Variants in GALNT18 observed in about 807,000 individuals in gnomAD.
The protein encoded by GALNT18 is polypeptide N-acetylgalactosaminyltransferase 18.
In GALNT18, 44 loss-of-function variants were observed where a neutral mutation model predicts 69.5. The ratio of observed to expected loss-of-function variants is 0.63; its 90% confidence interval spans 0.50 to 0.81. GALNT18 has a LOEUF of 0.81. Among genes scored for constraint, GALNT18 ranks in the 40% least tolerant of loss-of-function variants. The pLI is 0.00. For synonymous variants in GALNT18, 364 were observed against 318.2 expected, an observed-to-expected ratio of 1.14 and a Z score of -1.53; for missense variants, 715 against 810.0, an observed-to-expected ratio of 0.88 and a Z score of 1.42.
At chr11:11,284,930 T>TTTA (rs1554909662) in intron 10 of GALNT18, among the ~76,000 whole-genome samples, 1 of 134,716 alleles carries the variant, frequency 7.4e-6, no homozygotes, top group African/African-American at 2.7e-5. Flanking sequence ...TTTTTTTTTT[T>TTTA]AACTACTTGG....
intron 1 of GALNT18, among the ~76,000 whole-genome samples, chr11:11,588,573 A>G (rs1048438166): frequency 2.6e-5 from 4 of 152,008 alleles, no homozygotes; most frequent in African/African-American, 9.7e-5. Flanking sequence ...ATGCTAACCA[A>G]CCTCATCCTC....
intron 10 of GALNT18, 115 bp downstream of exon 10, chr11:11,292,914 G>A: frequency 2.1e-6 from 2 of 950,924 alleles, no homozygotes; most frequent in East Asian, 3.0e-5. Flanking sequence ...CCTCACTACT[G>A]CCAGTCTGTC....
intron 1 of GALNT18, among the ~76,000 whole-genome samples, chr11:11,490,898 A>G (rs1341042373): frequency 6.6e-6 from 1 of 152,178 alleles, no homozygotes; most frequent in African/African-American, 2.4e-5. Flanking sequence ...TGCAACCTAA[A>G]TGCACTATTA....
chr11:11,362,881 T>C (rs924615486), intron 6 of GALNT18, among the ~76,000 whole-genome samples: 4 of 152,284 alleles, frequency 2.6e-5, no homozygotes, highest in Middle Eastern at 3.4e-3. Context: ...GAAAAAAGTA[T>C]GCAAAAGACT....
rs1419524124 is a variant in GALNT18 at position 11,344,224 on chromosome 11, GC to G, written c.1093-3221del. Among the ~76,000 whole-genome samples, 4 of 148,838 alleles carry G rather than the reference GC, an allele frequency of 2.7e-5. No individual in the cohort carries two copies. The East Asian group carries it at 7.9e-4, about 30-fold the overall frequency. On this transcript the variant is annotated intron_variant, in intron 6 of 10. Transcript: ENST00000227756. Reference sequence around the variant, plus strand: ...TCTCTGCTACAGCCTCTATGCTGTAGCCACGCTATTTTTTTTACTTCCTCTC... The same window carrying G: ...TCTCTGCTACAGCCTCTATGCTGTAGCACGCTATTTTTTTTACTTCCTCTC...
intron 6 of GALNT18, among the ~76,000 whole-genome samples, chr11:11,350,849 A>C (rs1477843391): frequency 6.6e-6 from 1 of 152,190 alleles, no homozygotes; most frequent in African/African-American, 2.4e-5. Flanking sequence ...ACTTGGAGAA[A>C]AGCTGCACAG....
rs1857847823 is a variant in GALNT18, at chr11:11,538,994, GA to G, written c.235+82364del. On this transcript the variant is annotated intron_variant, in intron 1 of 10. Coordinates refer to ENST00000227756, the MANE Select transcript of GALNT18 (RefSeq NM_198516.3). The surrounding 1 kb of genome is among the most constrained non-coding windows in gnomAD (Gnocchi z 5.2). ...AGGATGTGGGCATATCCAGAGCAGG[GA>G]CCTAACTATCTTGTTCTCTGTGACA... Among the ~76,000 whole-genome samples the G allele has an allele frequency of 6.6e-6, 1 of 152,180 alleles. No homozygotes were observed. Among genetic ancestry groups the G allele is most frequent in the South Asian group, 2.1e-4 (1 of 4,828 alleles).
chr11:11,448,951 A>C lies in GALNT18; in HGVS notation c.236-15T>G, dbSNP rs1463408397. 2 of 1,562,410 alleles carry C rather than the reference A, an allele frequency of 1.3e-6. No individual in the cohort carries two copies. The highest frequency in any genetic ancestry group is 4.6e-5 in the East Asian group (2 of 43,128). On this transcript the variant is annotated splice_polypyrimidine_tract_variant and intron_variant, in intron 1 of 10. Coordinates refer to ENST00000227756, the MANE Select transcript of GALNT18 (RefSeq NM_198516.3). ...GGCAGGAGCCTCTGGAGAAAGAAGG[A>C]ACAGGAGACAGTGGGTCAGAGTGCA... is the stretch of plus-strand genomic sequence containing the variant.
intron 1 of GALNT18, among the ~76,000 whole-genome samples, chr11:11,455,953 G>C (rs1451820497): frequency 6.6e-6 from 1 of 152,122 alleles, no homozygotes; most frequent in African/African-American, 2.4e-5. Flanking sequence ...GCCAAGCATG[G>C]TGGTGTACAT....
At chr11:11,593,907 T>C (rs1859424554) in intron 1 of GALNT18, among the ~76,000 whole-genome samples, 1 of 152,248 alleles carries the variant, frequency 6.6e-6, no homozygotes, top group Non-Finnish European at 1.5e-5. Flanking sequence ...TGCCTTGCAT[T>C]TGGCTTTTCA....
chr11:11,447,155 T>C (rs866620785), intron 2 of GALNT18, among the ~76,000 whole-genome samples: 3 of 152,188 alleles, frequency 2.0e-5, no homozygotes, highest in South Asian at 2.1e-4. Context: ...TGACGTGCCA[T>C]GCGTGCTTCT....
intron 1 of GALNT18, among the ~76,000 whole-genome samples, chr11:11,566,068 A>G (rs1162433586): frequency 1.3e-5 from 2 of 152,220 alleles, no homozygotes; most frequent in Non-Finnish European, 2.9e-5. Context: ...ATTTGTATGT[A>G]AAGAATGTTC....
intron 6 of GALNT18, among the ~76,000 whole-genome samples, chr11:11,357,656 C>G (rs1850559103): frequency 6.6e-6 from 1 of 152,284 alleles, no homozygotes; most frequent in East Asian, 1.9e-4. Flanking sequence ...CACTTTTTCT[C>G]TTGGGACCAG....
chr11:11,449,921 T>C (rs1032907825), intron 1 of GALNT18, among the ~76,000 whole-genome samples: 4 of 152,248 alleles, frequency 2.6e-5, no homozygotes, highest in African/African-American at 9.6e-5. Flanking sequence ...TTAGGGTTAT[T>C]ATAGCAAGGG....
At chr11:11,467,227 C>T (rs1335816241) in intron 1 of GALNT18, among the ~76,000 whole-genome samples, 1 of 152,154 alleles carries the variant, frequency 6.6e-6, no homozygotes, top group Non-Finnish European at 1.5e-5. Context: ...CACGCAGAAG[C>T]CACACTGAGG....
intron 3 of GALNT18, among the ~76,000 whole-genome samples, chr11:11,399,614 T>C (rs1189324683): frequency 6.6e-6 from 1 of 152,188 alleles, no homozygotes; most frequent in African/African-American, 2.4e-5. Context: ...TGCAGTATAA[T>C]GGTTAAATGG....
chr11:11,597,805 C>T (rs575883093), intron 1 of GALNT18, among the ~76,000 whole-genome samples: 6 of 151,830 alleles, frequency 4.0e-5, no homozygotes, highest in Admixed American at 3.3e-4. Context: ...GGACTACAGG[C>T]GCCTGCCACC....
chr11:11,495,063 T>A (rs1856843940), intron 1 of GALNT18, among the ~76,000 whole-genome samples: 1 of 151,594 alleles, frequency 6.6e-6, no homozygotes, highest in Non-Finnish European at 1.5e-5. Flanking sequence ...CGAAATTACA[T>A]CTTAAATAAA....
At chr11:11,394,085 T>C (rs747295915) in intron 3 of GALNT18, among the ~76,000 whole-genome samples, 1 of 152,182 alleles carries the variant, frequency 6.6e-6, no homozygotes, top group African/African-American at 2.4e-5. Context: ...GTAACTTGAA[T>C]GCACTGAAAT....
Sources: gnomAD v4.1 joint callset for allele counts (sites outside exome capture counted in the v4.1 genomes callset) on GRCh38, gnomAD v4.1.1 for gene constraint, Gnocchi (gnomAD v3.1) non-coding constraint, MANE v1.5 for transcripts, NCBI Gene and HGNC (gene_info 2026-07-23, HGNC 2026-07-21) for gene names.